The following CFAP58 variants were observed in gnomAD, a reference collection of about 807,000 sequenced individuals.
The protein encoded by CFAP58 is cilia and flagella associated protein 58.
CFAP58 carries 88 observed loss-of-function variants against 119.5 expected under a neutral mutation model. The ratio of observed to expected loss-of-function variants is 0.74; its 90% confidence interval spans 0.62 to 0.88. CFAP58 has a LOEUF of 0.88. Among genes scored for constraint, CFAP58 ranks in the 40% least tolerant of loss-of-function variants. The pLI is 0.00. For missense variants in CFAP58, 990 were observed against 1,021.2 expected, an observed-to-expected ratio of 0.97 and a Z score of 0.42; for synonymous variants, 365 against 366.3, an observed-to-expected ratio of 1.00 and a Z score of 0.04.
At chr10:104,376,758 T>C in intron 7 of CFAP58, 53 bp from the exon 8 acceptor site, 1 of 1,433,260 alleles carries the variant, frequency 7.0e-7, no homozygotes, top group Non-Finnish European at 9.7e-7. Context: ...CTTTTGTAGA[T>C]TCTCTTAGGT....
At chr10:104,410,417 T>C (rs2012441819) in intron 15 of CFAP58, among the ~76,000 whole-genome samples, 1 of 152,244 alleles carries the variant, frequency 6.6e-6, no homozygotes, top group Admixed American at 6.5e-5. Context: ...TATCCTTTCA[T>C]AGTTCTTTAA....
intron 1 of CFAP58, among the ~76,000 whole-genome samples, chr10:104,356,333 C>T (rs2014542376): frequency 6.6e-6 from 1 of 152,184 alleles, no homozygotes; most frequent in Non-Finnish European, 1.5e-5. Flanking sequence ...GCAAGACGGG[C>T]TTGTCAAAAC....
intron 15 of CFAP58, among the ~76,000 whole-genome samples, chr10:104,425,648 A>T (rs907295226): frequency 5.9e-5 from 9 of 152,216 alleles, no homozygotes; most frequent in African/African-American, 1.9e-4. Flanking sequence ...TAACATGGCT[A>T]AGGTCACATA....
chr10:104,356,619 G>A (rs2014546519), intron 1 of CFAP58, among the ~76,000 whole-genome samples: 1 of 152,026 alleles, frequency 6.6e-6, no homozygotes, highest in Non-Finnish European at 1.5e-5. Context: ...TTCACTGTGT[G>A]TCCCTCACTC....
chr10:104,393,250 C>T, intron 10 of CFAP58, 79 bp from the exon 11 acceptor site: 1 of 1,311,018 alleles, frequency 7.6e-7, no homozygotes. Context: ...CCCTTAAAAG[C>T]TCTGAAATAT....
intron 13 of CFAP58, among the ~76,000 whole-genome samples, chr10:104,401,120 G>A (rs990872476): frequency 2.0e-5 from 3 of 151,982 alleles, no homozygotes; most frequent in African/African-American, 4.8e-5. Flanking sequence ...GCTTCCTTTC[G>A]GGGGGGTAAG....
At chr10:104,388,749 T>C (rs11192031) in intron 9 of CFAP58, among the ~76,000 whole-genome samples, 24,421 of 152,238 alleles carry the variant, frequency 0.16, 2,104 homozygotes, top group Middle Eastern at 0.32. Flanking sequence ...GTTTTGGCTA[T>C]GCTGCAGTTT....
At chr10:104,440,447 C>G (rs2013019678) in intron 15 of CFAP58, among the ~76,000 whole-genome samples, 1 of 152,178 alleles carries the variant, frequency 6.6e-6, no homozygotes, top group African/African-American at 2.4e-5. Context: ...TTCATCCTCC[C>G]TATCCTTGCC....
intron 15 of CFAP58, among the ~76,000 whole-genome samples, chr10:104,429,522 T>C (rs942228807): frequency 3.9e-5 from 6 of 152,210 alleles, no homozygotes; most frequent in African/African-American, 1.4e-4. Flanking sequence ...CAAATTTGTT[T>C]ATTAAAATTT....
At chr10:104,340,517 C>A in the CFAP58 span, among the ~76,000 whole-genome samples, 3 of 152,174 alleles carry the variant, frequency 2.0e-5, no homozygotes, top group African/African-American at 7.2e-5. Context: ...TTGGACACCC[C>A]TCCTGTCGTT....
At chr10:104,376,371 G>T (rs1230142512) in intron 7 of CFAP58, among the ~76,000 whole-genome samples, 1 of 151,796 alleles carries the variant, frequency 6.6e-6, no homozygotes. Flanking sequence ...GGGCATGGTG[G>T]TGCTGCACCT....
At chr10:104,425,161 A>G (rs1368968366) in intron 15 of CFAP58, among the ~76,000 whole-genome samples, 1 of 152,192 alleles carries the variant, frequency 6.6e-6, no homozygotes, top group Admixed American at 6.5e-5. Flanking sequence ...GAGTAACTAC[A>G]TATGATGGTG....
At position 104,364,908 on chromosome 10, in the gene CFAP58, G is replaced by A. The variant is rs1169685700; in HGVS notation, c.597+19G>A. On this transcript the variant is annotated intron_variant, in intron 4 of 17. Transcript: ENST00000369704. ...CAGTCAGGTCTGCCATGGAGGGCAAGAAGAAGGAATATTTCCTTCCAGAGG... is the reference window on the plus strand; with the variant it reads ...CAGTCAGGTCTGCCATGGAGGGCAAAAAGAAGGAATATTTCCTTCCAGAGG... 3 of 1,605,348 alleles carry A rather than the reference G, an allele frequency of 1.9e-6. No homozygotes were observed. The highest frequency in any genetic ancestry group is 2.7e-5 in the African/African-American group (2 of 74,260).
At chr10:104,365,674 T>C in intron 4 of CFAP58, 140 bp from the exon 5 acceptor site, 1 of 617,474 alleles carries the variant, frequency 1.6e-6, no homozygotes. Context: ...GGCTCAAGGA[T>C]GTCTGCCCTA....
At chr10:104,382,319 C>T (rs931200901) in intron 9 of CFAP58, 1 of 604,514 alleles carries the variant, frequency 1.7e-6, no homozygotes, top group East Asian at 2.8e-5. Context: ...GGGAGGGGCC[C>T]TGTAGGGTGA....
intron 3 of CFAP58, among the ~76,000 whole-genome samples, chr10:104,364,325 A>T (rs1331918925): frequency 6.6e-6 from 1 of 151,990 alleles, no homozygotes; most frequent in Non-Finnish European, 1.5e-5. Flanking sequence ...AATTCAAGTA[A>T]TACAGAGGTG....
At chr10:104,346,653 T>TTTTTTTTTTTTTG in the CFAP58 span, among the ~76,000 whole-genome samples, 2 of 146,286 alleles carry the variant, frequency 1.4e-5, no homozygotes, top group African/African-American at 5.1e-5. Flanking sequence ...TTTTTTTTTT[T>TTTTTTTTTTTTTG]GAGACCAAGT....
intron 3 of CFAP58, among the ~76,000 whole-genome samples, chr10:104,363,166 C>G (rs1414811488): frequency 1.3e-5 from 2 of 152,224 alleles, no homozygotes; most frequent in East Asian, 3.8e-4. Context: ...ACATTTACCT[C>G]CAGTATGGCA....
intron 9 of CFAP58, among the ~76,000 whole-genome samples, chr10:104,383,085 T>C (rs946947371): frequency 6.6e-6 from 1 of 152,102 alleles, no homozygotes; most frequent in Admixed American, 6.5e-5. Flanking sequence ...TACTCTGCAT[T>C]AATGGGATAG....
Sources: gnomAD v4.1 joint callset for allele counts (sites outside exome capture counted in the v4.1 genomes callset) on GRCh38, gnomAD v4.1.1 for gene constraint, MANE v1.5 for transcripts, NCBI Gene and HGNC (gene_info 2026-07-23, HGNC 2026-07-21) for gene names.